HSPB1: variants seen among roughly 807,000 people sequenced by gnomAD.
The protein encoded by HSPB1 is heat shock protein family B (small) member 1.
Under a neutral mutation model 17.0 loss-of-function variants are expected in HSPB1, and 19 were observed. The ratio of observed to expected loss-of-function variants is 1.12; its 90% CI spans 0.78 to 1.64. The LOEUF is 1.64. Ranked by LOEUF, HSPB1 falls within the 40% of genes most tolerant of loss-of-function variation. The pLI is 0.00. For synonymous variants in HSPB1, 165 were observed against 129.8 expected (o/e 1.27, Z -1.84); for missense variants, 348 against 289.2 (o/e 1.20, Z -1.47).
rs1386301653 is a variant in HSPB1, at chr7:76,304,098, C to G, written c.543C>G (p.Ile181Met). 1 of 1,613,772 alleles carries G rather than the reference C, an allele frequency of 6.2e-7. No individual in the cohort carries two copies. Among genetic ancestry groups the G allele is most frequent in the East Asian group, 2.2e-5 (1 of 44,864 alleles). Residue 181 changes from isoleucine (I) to methionine (M), a missense_variant, in exon 3 of 3, where the codon ATC (isoleucine) becomes ATG (methionine). Physicochemically the swap from Ile to Met is conservative, Grantham distance 10. Transcript: ENST00000248553. ...CCACGCAGTCCAACGAGATCACCAT[C>G]CCAGTCACCTTCGAGTCGCGGGCCC... ...KLATQSNEITIPVTFESRAQL... is the reference protein window; with the variant it reads ...KLATQSNEITMPVTFESRAQL...
At chr7:76,303,171 G>A (rs1478445561) in intron 1 of HSPB1, 95 bp downstream of exon 1, 1 of 1,419,672 alleles carries the variant, frequency 7.0e-7, no homozygotes, top group East Asian at 2.5e-5. Context: ...GGGGGCCTGG[G>A]GAGTTAAACG....
At chr7:76,303,343 C>T (rs1344680657) in intron 1 of HSPB1, 1 of 515,244 alleles carries the variant, frequency 1.9e-6, no homozygotes, top group East Asian at 3.3e-5. Context: ...GCCTGGGCAA[C>T]ATAGCGAGAC....
chr7:76,303,385 A>G (rs1449797309), intron 1 of HSPB1: 7 of 424,442 alleles, frequency 1.6e-5, no homozygotes, highest in Non-Finnish European at 2.9e-5. Context: ...GCGCCATTAC[A>G]AAAAAAAAGC....
chr7:76,303,475 C>T (rs1270704867), intron 1 of HSPB1: 4 of 555,656 alleles, frequency 7.2e-6, no homozygotes, highest in Admixed American at 3.2e-5. Context: ...CCCACAGCCC[C>T]ATCCCCAGAT....
In HSPB1 at chr7:76,303,790, T is replaced by G. The variant is rs774816313; in HGVS notation, c.365-12T>G. Reference sequence around the variant, plus strand: ...CCTCCCCCGCAGTCTGATTTCCCTCTTCCCCCCAAAGGCAAGCACGAGGAG... The same window carrying G: ...CCTCCCCCGCAGTCTGATTTCCCTCGTCCCCCCAAAGGCAAGCACGAGGAG... On this transcript the variant is annotated splice_polypyrimidine_tract_variant and intron_variant, in intron 1 of 2. Coordinates refer to ENST00000248553, the MANE Select transcript of HSPB1 (RefSeq NM_001540.5). 6.2e-7 allele frequency: 1 copy of G among 1,610,124 alleles called. No individual in the cohort carries two copies. Among genetic ancestry groups the G allele is most frequent in the South Asian group, 1.1e-5 (1 of 90,970 alleles).
Position 76,302,784 on chromosome 7 carries a change from G to A in HSPB1, c.72G>A (p.Pro24=). ...PSWDPFRDWY[P]HSRLFDQAFG... ...GGGACCCCTTCCGCGACTGGTACCC[G>A]CATAGCCGCCTCTTCGACCAGGCCT... The change falls in exon 1 of 3, where the codon CCG becomes CCA. Residue 24 remains proline (P), a synonymous_variant. Coordinates refer to ENST00000248553, the MANE Select transcript of HSPB1 (RefSeq NM_001540.5). 1.2e-6 allele frequency: 2 copies of A among 1,607,370 alleles called. No individual in the cohort carries two copies. The highest frequency in any genetic ancestry group is 1.7e-6 in the Non-Finnish European group (2 of 1,179,064).
intron 1 of HSPB1, chr7:76,303,362 C>T: frequency 1.9e-6 from 1 of 517,778 alleles, no homozygotes; most frequent in Admixed American, 3.7e-5. Context: ...ACGCGCCCCC[C>T]CGCCCCGACC....
intron 1 of HSPB1, 33 bp downstream of exon 1, chr7:76,303,109 G>A (rs1803033784): frequency 2.7e-6 from 4 of 1,500,308 alleles, no homozygotes; most frequent in South Asian, 1.2e-5. Context: ...GGGAGAGGAG[G>A]AGGCTAGCAG....
chr7:76,302,916 G>T lies in HSPB1; in HGVS notation c.204G>T (p.Val68=). The T allele has an allele frequency of 6.5e-7, 1 of 1,544,128 alleles. No homozygotes were observed. The highest frequency in any genetic ancestry group is 8.7e-7 in the Non-Finnish European group (1 of 1,150,414). ...LPPAAIESPA[V]AAPAYSRALS... is the part of the protein sequence containing the mutation. ...CCGCCGCCATCGAGAGCCCCGCAGT[G>T]GCCGCGCCCGCCTACAGCCGCGCGC... is the stretch of plus-strand genomic sequence containing the variant. The change falls in exon 1 of 3, where the codon GTG becomes GTT. Residue 68 remains valine, a synonymous_variant. Coordinates refer to ENST00000248553, the MANE Select transcript of HSPB1 (RefSeq NM_001540.5).
chr7:76,303,745 G>A, intron 1 of HSPB1, 57 bp from the exon 2 acceptor site: 1 of 1,523,018 alleles, frequency 6.6e-7, no homozygotes, highest in Non-Finnish European at 9.1e-7. Flanking sequence ...CTCTGGCCTA[G>A]CGGGGCCGAA....
Position 76,302,940 on chromosome 7 carries a change from G to C in HSPB1, c.228G>C (p.Ala76=). ...TGGCCGCGCCCGCCTACAGCCGCGC[G>C]CTCAGCCGGCAACTCAGCAGCGGGG... ...PAVAAPAYSR[A]LSRQLSSGVS... The change falls in exon 1 of 3, where the codon GCG becomes GCC. Residue 76 remains alanine (A), a synonymous_variant. Coordinates refer to ENST00000248553, the MANE Select transcript of HSPB1 (RefSeq NM_001540.5). 1 of 1,544,514 alleles carries C rather than the reference G, an allele frequency of 6.5e-7. No homozygotes were observed. Among genetic ancestry groups the C allele is most frequent in the Non-Finnish European group, 8.7e-7 (1 of 1,150,470 alleles).
In HSPB1 at chr7:76,302,917, G is replaced by GTGA. The variant is rs1563651927; in HGVS notation, c.205_206insTGA (p.Ala69delinsValThr). The GTGA allele has an allele frequency of 6.5e-7, 1 of 1,543,128 alleles. No individual in the cohort carries two copies. Among genetic ancestry groups the GTGA allele is most frequent in the South Asian group, 1.2e-5 (1 of 85,228 alleles). On this transcript the variant is annotated protein_altering_variant, in exon 1 of 3. Transcript: ENST00000248553. ...CGCCGCCATCGAGAGCCCCGCAGTG[G>GTGA]CCGCGCCCGCCTACAGCCGCGCGCT...
rs36073761 is a variant in HSPB1, at chr7:76,303,545, C to T, written c.365-257C>T. On this transcript the variant is annotated intron_variant, in intron 1 of 2. Coordinates refer to ENST00000248553, the MANE Select transcript of HSPB1 (RefSeq NM_001540.5). The stretch of plus-strand genomic sequence containing the variant: ...AGCCGCTGAGTGGGCGTGTGCGCGG[C>T]TCCAAGTGCGCCTGCGTACTGCTCA... The T allele has an allele frequency of 0.012, 7,277 of 585,394 alleles. 55 individuals carry two copies. The highest frequency in any genetic ancestry group is 0.017 in the Non-Finnish European group (5,573 of 327,030). The allele number at this position is 585,394 out of a possible 1,614,324, so 36.3% of individuals were successfully genotyped here. A position where few individuals can be genotyped will look rare whatever the true frequency, so the allele number is the denominator to read the frequency against.
Position 76,302,970 on chromosome 7 carries a change from G to A in HSPB1, c.258G>A (p.Ser86=), listed in dbSNP as rs1197057660. ...GCCGGCAACTCAGCAGCGGGGTCTC[G>A]GAGATCCGGCACACTGCGGACCGCT... ...ALSRQLSSGV[S]EIRHTADRWR... The change falls in exon 1 of 3, where the codon TCG becomes TCA. Residue 86 remains serine, a synonymous_variant. Coordinates refer to ENST00000248553, the MANE Select transcript of HSPB1 (RefSeq NM_001540.5). 3.2e-6 allele frequency: 5 copies of A among 1,544,196 alleles called. No individual in the cohort carries two copies. Among genetic ancestry groups the A allele is most frequent in the Non-Finnish European group, 4.3e-6 (5 of 1,150,450 alleles).
intron 1 of HSPB1, chr7:76,303,453 G>A: frequency 3.8e-6 from 2 of 522,590 alleles, no homozygotes; most frequent in East Asian, 3.4e-5. Flanking sequence ...TTTCTACAGA[G>A]TCCCCTTCCC....
rs926257693 is a variant in HSPB1 at position 76,302,948 on chromosome 7, G to A, written c.236G>A (p.Arg79Gln). The change falls in exon 1 of 3, where the codon CGG becomes CAG. Residue 79 changes from arginine to glutamine, a missense_variant. Coordinates refer to ENST00000248553, the MANE Select transcript of HSPB1 (RefSeq NM_001540.5). Reference protein sequence around the residue: ...AAPAYSRALSRQLSSGVSEIR... With the variant: ...AAPAYSRALSQQLSSGVSEIR... ...CCCGCCTACAGCCGCGCGCTCAGCCGGCAACTCAGCAGCGGGGTCTCGGAG... is the reference window on the plus strand; with the variant it reads ...CCCGCCTACAGCCGCGCGCTCAGCCAGCAACTCAGCAGCGGGGTCTCGGAG... 8.4e-6 allele frequency: 13 copies of A among 1,544,860 alleles called. No homozygotes were observed. The highest frequency in any genetic ancestry group is 1.0e-5 in the Non-Finnish European group (12 of 1,150,704).
In HSPB1 at chr7:76,304,048, G is replaced by C. The variant is rs1255186766; in HGVS notation, c.493G>C (p.Val165Leu). The change falls in exon 3 of 3, where the codon GTG becomes CTG. Residue 165 changes from valine to leucine, a missense_variant. Transcript: ENST00000248553. ...CCTGTCCCCTGAGGGCACACTGACC[G>C]TGGAGGCCCCCATGCCCAAGCTAGC... ...SSLSPEGTLT[V>L]EAPMPKLATQ... The C allele has an allele frequency of 1.2e-6, 2 of 1,613,786 alleles. No individual in the cohort carries two copies. The highest frequency in any genetic ancestry group is 8.5e-7 in the Non-Finnish European group (1 of 1,179,956).
chr7:76,303,086 C>A lies in HSPB1; in HGVS notation c.364+10C>A, dbSNP rs577343607. 2.0e-6 allele frequency: 3 copies of A among 1,515,960 alleles called. No homozygotes were observed. Among genetic ancestry groups the A allele is most frequent in the Non-Finnish European group, 2.6e-6 (3 of 1,132,370 alleles). 93.9% of individuals were successfully genotyped at this position (1,515,960 alleles called of 1,614,324 possible). A position where few individuals can be genotyped will look rare whatever the true frequency, so the allele number is the denominator to read the frequency against. ...GTGGTGGAGATCACCGGTGAGCCCCCCTGCTCCTGCAGGGGAGAGGAGGAG... is the reference window on the plus strand; with the variant it reads ...GTGGTGGAGATCACCGGTGAGCCCCACTGCTCCTGCAGGGGAGAGGAGGAG... On this transcript the variant is annotated intron_variant, in intron 1 of 2. Transcript: ENST00000248553.
intron 1 of HSPB1, 75 bp from the exon 2 acceptor site, chr7:76,303,727 G>A (rs1803055677): frequency 1.5e-6 from 2 of 1,326,480 alleles, no homozygotes; most frequent in South Asian, 1.2e-5. Context: ...CCAAGCAGGA[G>A]GTGGGGCCTC....
Sources: gnomAD v4.1 joint callset for allele counts on GRCh38, gnomAD v4.1.1 for gene constraint, MANE v1.5 for transcripts, NCBI Gene and HGNC (gene_info 2026-07-23, HGNC 2026-07-21) for gene names.